The following SS18 variants were observed in gnomAD, a reference collection of about 807,000 sequenced individuals.
SS18 encodes SS18 subunit of BAF chromatin remodeling complex.
SS18 carries 28 observed loss-of-function variants against 72.5 expected under a neutral mutation model. That is an observed-to-expected ratio of 0.39 (90% CI 0.29 to 0.53). The LOEUF (loss-of-function observed/expected upper bound fraction) is 0.53, where lower values mean the gene tolerates loss of function less well. SS18 is among the 20% of genes least tolerant of loss of function. The pLI is 0.76. For missense variants in SS18, 518 were observed against 535.3 expected, an observed-to-expected ratio of 0.97 and a Z score of 0.32; for synonymous variants, 172 against 164.2, an observed-to-expected ratio of 1.05 and a Z score of -0.37.
chr18:26,090,673 G>C, upstream of SS18: 2 of 1,228,786 alleles, frequency 1.6e-6, no homozygotes, highest in Non-Finnish European at 2.3e-6. Context: ...GGGAATGCGG[G>C]GAGGGGGGAT....
chr18:26,071,362 G>C (rs1348678495), intron 3 of SS18, among the ~76,000 whole-genome samples: 1 of 152,086 alleles, frequency 6.6e-6, no homozygotes, highest in Non-Finnish European at 1.5e-5. Flanking sequence ...AAAAATCCTA[G>C]ACAAAGCAAA....
intron 5 of SS18, among the ~76,000 whole-genome samples, chr18:26,046,229 G>GA (rs977480733): frequency 1.9e-4 from 26 of 136,112 alleles, no homozygotes; most frequent in Non-Finnish European, 1.2e-4. Flanking sequence ...AAAAAAAAAG[G>GA]AAAAAAAAAG....
intron 3 of SS18, among the ~76,000 whole-genome samples, chr18:26,062,409 C>T (rs1423165232): frequency 1.3e-5 from 2 of 152,064 alleles, no homozygotes; most frequent in African/African-American, 2.4e-5. Flanking sequence ...AGGGCAACTA[C>T]TTAAAAATAC....
intron 3 of SS18, chr18:26,064,692 G>A (rs567199757): frequency 4.6e-5 from 7 of 151,862 alleles, no homozygotes; most frequent in Non-Finnish European, 1.0e-4. Flanking sequence ...TCAGGAATAA[G>A]ACAAGAATAT....
rs1421379372 is a variant in SS18, at chr18:26,038,631, T to C, written c.804A>G (p.Glu268=). 3.1e-6 allele frequency: 5 copies of C among 1,613,414 alleles called. No individual in the cohort carries two copies. The African/African-American group carries it at 4.0e-5, about 13-fold the overall frequency. The change falls in exon 7 of 11, where the codon GAA becomes GAG. Residue 268 remains glutamate, a synonymous_variant. Transcript: ENST00000415083. The part of the protein sequence containing the change: ...QGPPQQYSGQ[E]DYYGDQYSHG... ...GACTGTATTGGTCCCCGTAATAGTC[T>C]TCCTGGCCTGAGTACTGCTGTGGTG... is the stretch of plus-strand genomic sequence containing the variant.
chr18:26,089,066 C>G (rs2054667403), intron 1 of SS18, among the ~76,000 whole-genome samples: 1 of 152,190 alleles, frequency 6.6e-6, no homozygotes, highest in Non-Finnish European at 1.5e-5. Context: ...ATCTGTCTCA[C>G]ATCTAATATC....
intron 3 of SS18, among the ~76,000 whole-genome samples, chr18:26,072,049 T>G (rs2054319204): frequency 6.6e-6 from 1 of 151,990 alleles, no homozygotes; most frequent in African/African-American, 2.4e-5. Context: ...ATGTGGATGA[T>G]CTAATGAACA....
chr18:26,063,821 A>G (rs1246956855), intron 3 of SS18, among the ~76,000 whole-genome samples: 1 of 152,164 alleles, frequency 6.6e-6, no homozygotes, highest in Non-Finnish European at 1.5e-5. Flanking sequence ...TGAAATAAAA[A>G]GCATTAAGAG....
At chr18:26,086,038 T>C (rs942918667) in intron 2 of SS18, 2 of 135,110 alleles carry the variant, frequency 1.5e-5, no homozygotes, top group Admixed American at 7.0e-5. Flanking sequence ...ATTGAAAATA[T>C]TCTGAAAAAA....
intron 2 of SS18, among the ~76,000 whole-genome samples, chr18:26,085,726 CTTATACT>C (rs1159852896): frequency 6.6e-6 from 1 of 152,106 alleles, no homozygotes; most frequent in African/African-American, 2.4e-5. Flanking sequence ...TCTCCACAAA[CTTATACT>C]TTATAATTTT....
chr18:26,062,358 A>G (rs913944172), intron 3 of SS18, among the ~76,000 whole-genome samples: 1 of 152,232 alleles, frequency 6.6e-6, no homozygotes, highest in Admixed American at 6.5e-5. Context: ...AACCTGATAA[A>G]CTAATATTTT....
intron 5 of SS18, among the ~76,000 whole-genome samples, chr18:26,043,965 C>T (rs2053774770): frequency 6.6e-6 from 1 of 152,150 alleles, no homozygotes; most frequent in Non-Finnish European, 1.5e-5. Context: ...TTTAGTGACA[C>T]AGACCATCTT....
intron 3 of SS18, among the ~76,000 whole-genome samples, chr18:26,076,086 A>G (rs1444917617): frequency 6.6e-6 from 1 of 151,956 alleles, no homozygotes; most frequent in African/African-American, 2.4e-5. Flanking sequence ...AAATGAAAAT[A>G]TATGCAATGC....
intron 10 of SS18, among the ~76,000 whole-genome samples, chr18:26,031,168 G>A (rs533768457): frequency 7.2e-5 from 11 of 152,288 alleles, no homozygotes; most frequent in African/African-American, 1.9e-4. Context: ...CACTAGCCAC[G>A]ACTTATTTCA....
At chr18:26,039,833 A>G (rs1242216722) in intron 5 of SS18, among the ~76,000 whole-genome samples, 1 of 152,230 alleles carries the variant, frequency 6.6e-6, no homozygotes, top group Non-Finnish European at 1.5e-5. Context: ...TGGAAAATAT[A>G]CCAAAAGTAA....
chr18:26,081,088 C>CAAAAAAAAA (rs58751181), intron 2 of SS18: 1 of 63,432 alleles, frequency 1.6e-5, no homozygotes, highest in African/African-American at 4.1e-5. Context: ...GACTCCGTCT[C>CAAAAAAAAA]AAAAAAAAAA....
Position 26,035,446 on chromosome 18 carries a change from T to C in SS18, c.974-319A>G, listed in dbSNP as rs2053610819. The C allele has an allele frequency of 6.2e-6, 2 of 321,390 alleles. No homozygotes were observed. Among genetic ancestry groups the C allele is most frequent in the African/African-American group, 4.2e-5 (2 of 47,532 alleles). 19.9% of individuals were successfully genotyped at this position (321,390 alleles called of 1,614,324 possible). On this transcript the variant is annotated intron_variant, in intron 8 of 10. Coordinates refer to ENST00000415083, the MANE Select transcript of SS18 (RefSeq NM_001007559.3). The surrounding 1 kb of genome is among the most constrained non-coding windows in gnomAD (Gnocchi z 4.4). ...TAAAAAAGACAAAATTAAAGACAGC[T>C]ACAAGAGCACACACTAGCTACACGA...
intron 5 of SS18, among the ~76,000 whole-genome samples, chr18:26,039,938 C>G (rs2053695734): frequency 1.3e-5 from 2 of 152,176 alleles, no homozygotes; most frequent in African/African-American, 2.4e-5. Flanking sequence ...AATACTCACT[C>G]ATTATATAAT....
rs1315719155 is a variant in SS18, at chr18:26,035,525, T to G, written c.973+306A>C. Reference sequence around the variant, plus strand: ...ATACTTATATGTAAAATTATACATATGTAAACACACACGAGAAAAAAAAGT... The same window carrying G: ...ATACTTATATGTAAAATTATACATAGGTAAACACACACGAGAAAAAAAAGT... On this transcript the variant is annotated intron_variant, in intron 8 of 10. Transcript: ENST00000415083. This position sits in a 1 kb window ranked among gnomAD's most constrained non-coding sequence, Gnocchi z 4.4. The G allele has an allele frequency of 6.6e-6, 2 of 301,474 alleles. No homozygotes were observed. Among genetic ancestry groups the G allele is most frequent in the African/African-American group, 4.3e-5 (2 of 46,628 alleles). 18.7% of individuals were successfully genotyped at this position (301,474 alleles called of 1,614,324 possible).
Sources: gnomAD v4.1 joint callset for allele counts (sites outside exome capture counted in the v4.1 genomes callset) on GRCh38, gnomAD v4.1.1 for gene constraint, Gnocchi (gnomAD v3.1) non-coding constraint, MANE v1.5 for transcripts, NCBI Gene and HGNC (gene_info 2026-07-23, HGNC 2026-07-21) for gene names.